The following VAPA variants were observed in gnomAD, a reference collection of about 807,000 sequenced individuals.
VAPA encodes vesicle-associated membrane protein-associated protein A.
In VAPA, 6 loss-of-function variants were observed where a neutral mutation model predicts 25.6. The observed-to-expected ratio is 0.23, with a 90% CI of 0.13 to 0.46. The LOEUF (loss-of-function observed/expected upper bound fraction) is 0.46, where lower values mean the gene tolerates loss of function less well. Among genes scored for constraint, VAPA ranks in the 20% least tolerant of loss-of-function variants. The probability of loss-of-function intolerance (pLI) is 0.99; values close to 1 mark genes in which losing one functional copy is unlikely to be tolerated. For missense variants in VAPA, 244 were observed against 302.1 expected, an observed-to-expected ratio of 0.81 and a Z score of 1.43; for synonymous variants, 112 against 106.2, an observed-to-expected ratio of 1.05 and a Z score of -0.34.
In VAPA at chr18:9,950,423, C is replaced by G; in HGVS notation, c.446C>G (p.Pro149Arg). 6.2e-7 allele frequency: 1 copy of G among 1,613,704 alleles called. No individual in the cohort carries two copies. ...LNDMEPSKAV[P>R]LNASKQDGPM... ...GATATGGAACCTAGCAAAGCTGTTC[C>G]ACTGAATGCATCTAAGCAAGATGGA... is the stretch of plus-strand genomic sequence containing the variant. Residue 149 changes from proline (P) to arginine (R), a missense_variant, in exon 5 of 6, where the codon CCA (proline) becomes CGA (arginine). By Grantham distance (103) the Pro-to-Arg change is moderately radical. Coordinates refer to ENST00000400000, the MANE Select transcript of VAPA (RefSeq NM_194434.3).
intron 4 of VAPA, among the ~76,000 whole-genome samples, chr18:9,942,146 G>A (rs2069372274): frequency 6.6e-6 from 1 of 152,194 alleles, no homozygotes; most frequent in Admixed American, 6.5e-5. Context: ...GTTTAGAGCA[G>A]TGGACAAGTT....
intron 1 of VAPA, among the ~76,000 whole-genome samples, chr18:9,922,627 T>C (rs1332739287): frequency 2.6e-5 from 4 of 151,932 alleles, no homozygotes; most frequent in Non-Finnish European, 5.9e-5. Context: ...TATAAATAGA[T>C]GGTTATAGGT....
At chr18:9,939,670 T>C (rs2069347686) in intron 4 of VAPA, among the ~76,000 whole-genome samples, 1 of 152,100 alleles carries the variant, frequency 6.6e-6, no homozygotes, top group South Asian at 2.1e-4. Context: ...TGATCGAAAG[T>C]TTGAAATGAG....
chr18:9,929,715 A>G (rs1010231193), intron 1 of VAPA, among the ~76,000 whole-genome samples: 11 of 152,124 alleles, frequency 7.2e-5, no homozygotes, highest in African/African-American at 2.7e-4. Context: ...TTAAACTAGG[A>G]AAGGGGCTCA....
chr18:9,914,262 G>T lies in VAPA; in HGVS notation c.6G>T (p.Ala2=). ...CGCTCTGCGCTGTCTCTCCGATGGC[G>T]TCCGCCTCAGGGGCCATGGCGAAGC... M[A]SASGAMAKHE... is the part of the protein sequence containing the mutation. The change falls in exon 1 of 6, where the codon GCG becomes GCT. Residue 2 remains alanine, a synonymous_variant. Coordinates refer to ENST00000400000, the MANE Select transcript of VAPA (RefSeq NM_194434.3). The T allele has an allele frequency of 6.3e-7, 1 of 1,582,076 alleles. No individual in the cohort carries two copies. The highest frequency in any genetic ancestry group is 8.6e-7 in the Non-Finnish European group (1 of 1,166,044).
intron 1 of VAPA, chr18:9,914,967 G>C (rs746889580): frequency 6.4e-4 from 97 of 151,774 alleles, no homozygotes; most frequent in Non-Finnish European, 1.3e-3. Flanking sequence ...TTTCCGCCAG[G>C]TTTAGAACTC....
At chr18:9,945,745 A>G (rs532997749) in intron 4 of VAPA, among the ~76,000 whole-genome samples, 238 of 152,254 alleles carry the variant, frequency 1.6e-3, no homozygotes, top group African/African-American at 5.5e-3. Flanking sequence ...AAAATTATCT[A>G]AATGTTTAAT....
intron 1 of VAPA, among the ~76,000 whole-genome samples, chr18:9,928,646 A>G (rs1005970209): frequency 3.3e-5 from 5 of 152,192 alleles, no homozygotes; most frequent in African/African-American, 1.2e-4. Flanking sequence ...AAATGCATAT[A>G]TAAAATGACC....
chr18:9,940,020 T>G (rs2069351233), intron 4 of VAPA, among the ~76,000 whole-genome samples: 1 of 152,228 alleles, frequency 6.6e-6, no homozygotes, highest in South Asian at 2.1e-4. Flanking sequence ...ATTTGGTTAT[T>G]CAGTGGTAGA....
At chr18:9,932,559 C>T (rs1386472579) in intron 2 of VAPA, among the ~76,000 whole-genome samples, 1 of 152,158 alleles carries the variant, frequency 6.6e-6, no homozygotes, top group Non-Finnish European at 1.5e-5. Context: ...TATCTAATGC[C>T]CCCTATAAAC....
At position 9,954,404 on chromosome 18, in the gene VAPA, A is replaced by G. The variant is rs1271965797; in HGVS notation, c.*193A>G. On this transcript the variant is annotated 3_prime_UTR_variant, in exon 6 of 6. Transcript: ENST00000400000. ...TAAAAACAAACTGTTCGGCTACTGG[A>G]CAGGTTGTATATTACCAGATCATCA... 1.3e-5 allele frequency: 7 copies of G among 553,338 alleles called. No individual in the cohort carries two copies. The highest frequency in any genetic ancestry group is 1.6e-5 in the Non-Finnish European group (5 of 317,166). The allele number at this position is 553,338 out of a possible 1,614,324, so 34.3% of individuals were successfully genotyped here. A position where few individuals can be genotyped will look rare whatever the true frequency, so the allele number is the denominator to read the frequency against.
chr18:9,914,260 G>T lies in VAPA; in HGVS notation c.4G>T (p.Ala2Ser), dbSNP rs926561685. ...CCCGCTCTGCGCTGTCTCTCCGATG[G>T]CGTCCGCCTCAGGGGCCATGGCGAA... M[A>S]SASGAMAKHE... is the part of the protein sequence containing the mutation. The change falls in exon 1 of 6, where the codon GCG becomes TCG. Residue 2 changes from alanine (A) to serine (S), a missense_variant. By Grantham distance (99) the Ala-to-Ser change is moderately conservative. Transcript: ENST00000400000. 9 of 1,582,110 alleles carry T rather than the reference G, an allele frequency of 5.7e-6. No homozygotes were observed. The highest frequency in any genetic ancestry group is 7.7e-6 in the Non-Finnish European group (9 of 1,166,082).
At chr18:9,941,931 CT>C (rs2069369966) in intron 4 of VAPA, among the ~76,000 whole-genome samples, 1 of 152,108 alleles carries the variant, frequency 6.6e-6, no homozygotes, top group South Asian at 2.1e-4. Context: ...AGAAAATATA[CT>C]TTTTATCTTA....
At chr18:9,928,579 A>T (rs2069222672) in intron 1 of VAPA, among the ~76,000 whole-genome samples, 1 of 152,160 alleles carries the variant, frequency 6.6e-6, no homozygotes, top group South Asian at 2.1e-4. Context: ...AGGGGTTCTT[A>T]ACTCTAACTT....
chr18:9,954,060 G>T lies in VAPA; in HGVS notation c.599G>T (p.Gly200Val), dbSNP rs1263252627. Reference sequence around the variant, plus strand: ...TGTGTGTTTTTTTTCTAGGATGAAGGTTTAAGGCTCAGAAAGGTAGCACAT... The same window carrying T: ...TGTGTGTTTTTTTTCTAGGATGAAGTTTTAAGGCTCAGAAAGGTAGCACAT... ...SEENRHLRDE[G>V]LRLRKVAHSD... The change falls in exon 6 of 6, where the codon GGT (glycine) becomes GTT (valine). Residue 200 changes from glycine to valine, a missense_variant. Physicochemically the swap from Gly to Val is moderately radical, Grantham distance 109. Transcript: ENST00000400000. 3.1e-6 allele frequency: 5 copies of T among 1,613,560 alleles called. No homozygotes were observed. The highest frequency in any genetic ancestry group is 4.2e-6 in the Non-Finnish European group (5 of 1,179,874).
intron 1 of VAPA, among the ~76,000 whole-genome samples, chr18:9,921,121 C>G (rs1016283102): frequency 6.6e-6 from 1 of 152,126 alleles, no homozygotes; most frequent in Non-Finnish European, 1.5e-5. Context: ...AAATGATTGC[C>G]CAGTAAGTGT....
At chr18:9,936,962 A>C (rs758157503) in intron 3 of VAPA, 24 bp from the exon 4 acceptor site, 1 of 1,603,548 alleles carries the variant, frequency 6.2e-7, no homozygotes, top group African/African-American at 1.3e-5. Context: ...CCTATGTCTC[A>C]TGTTTGGTTT....
chr18:9,942,128 T>C (rs925588805), intron 4 of VAPA, among the ~76,000 whole-genome samples: 2 of 152,332 alleles, frequency 1.3e-5, no homozygotes, highest in African/African-American at 4.8e-5. Flanking sequence ...TATTCAGCTT[T>C]ATTTAGTGTT....
intron 4 of VAPA, among the ~76,000 whole-genome samples, chr18:9,943,736 T>G (rs574915313): frequency 1.3e-5 from 2 of 152,172 alleles, no homozygotes; most frequent in South Asian, 2.1e-4. Context: ...TTGTGTTCAC[T>G]TCTAAAAAAT....
Sources: gnomAD v4.1 joint callset for allele counts (sites outside exome capture counted in the v4.1 genomes callset) on GRCh38, gnomAD v4.1.1 for gene constraint, MANE v1.5 for transcripts, NCBI Gene and HGNC (gene_info 2026-07-23, HGNC 2026-07-21) for gene names.